The following ASIP variants were observed in gnomAD, a reference collection of about 807,000 sequenced individuals.
ASIP encodes agouti-signaling protein.
ASIP carries 11 observed loss-of-function variants against 10.3 expected under a neutral mutation model. That is an observed-to-expected ratio of 1.07 (90% CI 0.68 to 1.78). The LOEUF is 1.78. Ranked by LOEUF, ASIP falls within the 40% of genes most tolerant of loss-of-function variation. The pLI is 0.00. For missense variants in ASIP, 180 were observed against 169.2 expected (o/e 1.06, Z -0.35); for synonymous variants, 70 against 70.8 (o/e 0.99, Z 0.06).
chr20:34,265,176 G>T (rs757648890), intron 3 of ASIP, among the ~76,000 whole-genome samples: 7 of 152,048 alleles, frequency 4.6e-5, no homozygotes, highest in African/African-American at 1.4e-4. Context: ...TATCAGTAAG[G>T]CTTCCTTCTG....
At chr20:34,195,968 G>A (rs1286984076) in intron 1 of ASIP, among the ~76,000 whole-genome samples, 1 of 152,024 alleles carries the variant, frequency 6.6e-6, no homozygotes, top group Non-Finnish European at 1.5e-5. Flanking sequence ...GAGACAGCCT[G>A]CAGGAAACTT....
chr20:34,236,097 GGAGA>G (rs1350233608), intron 1 of ASIP, among the ~76,000 whole-genome samples: 2 of 143,076 alleles, frequency 1.4e-5, no homozygotes, highest in Non-Finnish European at 3.0e-5. Flanking sequence ...AAGGAAGGAA[GGAGA>G]AAGAAAGGAA....
intron 1 of ASIP, among the ~76,000 whole-genome samples, chr20:34,242,599 CAACAA>C (rs926801586): frequency 1.3e-5 from 2 of 152,204 alleles, no homozygotes; most frequent in Non-Finnish European, 2.9e-5. Context: ...AACAAACAAA[CAACAA>C]AACAAAACAA....
In ASIP at chr20:34,260,641, T is replaced by C. The variant is rs147910525; in HGVS notation, c.160+107T>C. On this transcript the variant is annotated intron_variant, in intron 2 of 3. Transcript: ENST00000374954. ...CCACCGCCATGGTCACGGCTCCTTC[T>C]TGCTCGTTCCAGGAAATAATCCTGG... is the stretch of plus-strand genomic sequence containing the variant. 235 of 1,271,786 alleles carry C rather than the reference T, an allele frequency of 1.8e-4. 2 individuals carry two copies. In the African/African-American group the frequency reaches 3.0e-3, roughly 16 times the overall value. The allele number at this position is 1,271,786 out of a possible 1,614,324, so 78.8% of individuals were successfully genotyped here. A position where few individuals can be genotyped will look rare whatever the true frequency, so the allele number is the denominator to read the frequency against.
At chr20:34,197,862 T>G (rs1362779087) in intron 1 of ASIP, among the ~76,000 whole-genome samples, 1 of 152,168 alleles carries the variant, frequency 6.6e-6, no homozygotes, top group Admixed American at 6.5e-5. Context: ...TGTGAGACTT[T>G]AATCTACATA....
intron 1 of ASIP, among the ~76,000 whole-genome samples, chr20:34,245,120 G>A (rs1409169150): frequency 6.6e-6 from 1 of 151,880 alleles, no homozygotes; most frequent in Non-Finnish European, 1.5e-5. Context: ...CAAATCACGA[G>A]GTCAGGAGTT....
At chr20:34,197,280 G>A (rs887101939) in intron 1 of ASIP, among the ~76,000 whole-genome samples, 1 of 152,112 alleles carries the variant, frequency 6.6e-6, no homozygotes, top group African/African-American at 2.4e-5. Flanking sequence ...AGAATTGCTG[G>A]AACTCAGGAG....
At chr20:34,216,642 G>T (rs1719260853) in intron 1 of ASIP, among the ~76,000 whole-genome samples, 1 of 152,148 alleles carries the variant, frequency 6.6e-6, no homozygotes, top group African/African-American at 2.4e-5. Flanking sequence ...TTTCCATAGA[G>T]ATACCCAGTT....
chr20:34,262,125 A>G (rs921370488), intron 2 of ASIP, among the ~76,000 whole-genome samples: 2 of 152,168 alleles, frequency 1.3e-5, no homozygotes, highest in African/African-American at 4.8e-5. Flanking sequence ...AAGAAAAAAA[A>G]AAGAAGAAGA....
chr20:34,215,505 G>A, intron 1 of ASIP: 2 of 1,532,278 alleles, frequency 1.3e-6, no homozygotes, highest in Non-Finnish European at 1.8e-6. Context: ...CCACTACTGA[G>A]AGAATGTCAA....
intron 1 of ASIP, among the ~76,000 whole-genome samples, chr20:34,235,893 G>GAAT (rs1568756489): frequency 9.8e-5 from 9 of 91,982 alleles, no homozygotes; most frequent in Non-Finnish European, 1.6e-4. Flanking sequence ...AAGGAAGGAA[G>GAAT]GAAGGAAAGG....
intron 1 of ASIP, among the ~76,000 whole-genome samples, chr20:34,209,326 G>A (rs2034957668): frequency 6.6e-6 from 1 of 152,072 alleles, no homozygotes; most frequent in Admixed American, 6.5e-5. Context: ...CCACTCCACG[G>A]AGCAGGCAGG....
At chr20:34,222,648 G>A (rs112615072) in intron 1 of ASIP, among the ~76,000 whole-genome samples, 3 of 143,628 alleles carry the variant, frequency 2.1e-5, no homozygotes, top group African/African-American at 3.0e-5. Context: ...CTCCCTCTCC[G>A]TCTCCCTCTC....
At chr20:34,246,537 C>T (rs1164021748) in intron 1 of ASIP, 3 of 1,020,512 alleles carry the variant, frequency 2.9e-6, no homozygotes, top group Non-Finnish European at 3.1e-6. Context: ...GAAATCTCAG[C>T]TCACTGCAAC....
intron 1 of ASIP, among the ~76,000 whole-genome samples, chr20:34,201,331 G>A (rs1031063502): frequency 6.6e-6 from 1 of 152,148 alleles, no homozygotes; most frequent in Non-Finnish European, 1.5e-5. Flanking sequence ...CTGTGTTTGA[G>A]TAAAGGTTAA....
intron 1 of ASIP, among the ~76,000 whole-genome samples, chr20:34,226,682 A>G (rs1161741388): frequency 6.6e-6 from 1 of 152,134 alleles, no homozygotes; most frequent in Non-Finnish European, 1.5e-5. Context: ...TAACAAACTA[A>G]TAATAGAAAG....
chr20:34,268,309 C>A (rs1007576964), intron 3 of ASIP, among the ~76,000 whole-genome samples: 1 of 152,162 alleles, frequency 6.6e-6, no homozygotes, highest in African/African-American at 2.4e-5. Context: ...AGCAGGAACT[C>A]ACCTGCTGCG....
intron 1 of ASIP, among the ~76,000 whole-genome samples, chr20:34,225,527 T>A (rs2122570519): frequency 6.6e-6 from 1 of 152,144 alleles, no homozygotes; most frequent in Non-Finnish European, 1.5e-5. Context: ...TTCTCACAGT[T>A]TTTCTCAGAT....
chr20:34,204,600 C>A (rs1024363290), intron 1 of ASIP, among the ~76,000 whole-genome samples: 5 of 152,154 alleles, frequency 3.3e-5, no homozygotes, highest in African/African-American at 1.2e-4. Flanking sequence ...AAATAGCAGG[C>A]ATCCTTATCT....
Sources: gnomAD v4.1 joint callset for allele counts (sites outside exome capture counted in the v4.1 genomes callset) on GRCh38, gnomAD v4.1.1 for gene constraint, MANE v1.5 for transcripts, NCBI Gene and HGNC (gene_info 2026-07-23, HGNC 2026-07-21) for gene names.